The following C12orf42 variants were observed in gnomAD, a reference collection of about 807,000 sequenced individuals.
C12orf42 encodes chromosome 12 open reading frame 42.
A neutral mutation model predicts 21.6 loss-of-function variants in C12orf42; 25 were observed. The observed-to-expected ratio is 1.16, with a 90% CI of 0.84 to 1.62. The LOEUF is 1.62. Ranked by LOEUF, C12orf42 falls within the 40% of genes most tolerant of loss-of-function variation. C12orf42 has a pLI of 0.00. For missense variants in C12orf42, 483 were observed against 459.3 expected (o/e 1.05, Z -0.47); for synonymous variants, 174 against 175.0 (o/e 0.99, Z 0.05).
chr12:103,225,217 C>CT, the C12orf42 span, among the ~76,000 whole-genome samples: 1 of 152,090 alleles, frequency 6.6e-6, no homozygotes, highest in Non-Finnish European at 1.5e-5. Flanking sequence ...AAAGAGTGTA[C>CT]TGGGTTGGGC....
chr12:103,381,656 G>A (rs1399752993), intron 3 of C12orf42, among the ~76,000 whole-genome samples: 2 of 152,200 alleles, frequency 1.3e-5, no homozygotes, highest in African/African-American at 2.4e-5. Context: ...GGTGGCTCAC[G>A]CCTGTAACCC....
chr12:103,127,064 C>T, the C12orf42 span, among the ~76,000 whole-genome samples: 5 of 152,072 alleles, frequency 3.3e-5, no homozygotes, highest in African/African-American at 1.2e-4. Context: ...TTGCTAACAC[C>T]AACTGCTGAA....
chr12:103,530,917 C>T, the C12orf42 span, among the ~76,000 whole-genome samples: 278 of 152,304 alleles, frequency 1.8e-3, no homozygotes, highest in African/African-American at 5.6e-3. Context: ...TCTGAGCTGT[C>T]AGGGAACTGC....
chr12:103,520,053 G>T, the C12orf42 span, among the ~76,000 whole-genome samples: 3 of 152,174 alleles, frequency 2.0e-5, no homozygotes, highest in African/African-American at 7.2e-5. Flanking sequence ...TCCTCAAAGT[G>T]ACAAAGAAGT....
intron 3 of C12orf42, among the ~76,000 whole-genome samples, chr12:103,400,121 A>G (rs1437842016): frequency 6.6e-6 from 1 of 152,156 alleles, no homozygotes; most frequent in Non-Finnish European, 1.5e-5. Context: ...GAAGAGAGAG[A>G]GAAGAAAGAG....
chr12:103,181,090 C>T, the C12orf42 span, among the ~76,000 whole-genome samples: 1 of 151,444 alleles, frequency 6.6e-6, no homozygotes, highest in Non-Finnish European at 1.5e-5. Context: ...GGTGAAACCC[C>T]GTCTCTACTA....
At chr12:103,353,826 C>T (rs747580251) in intron 4 of C12orf42, among the ~76,000 whole-genome samples, 3 of 152,160 alleles carry the variant, frequency 2.0e-5, no homozygotes, top group Non-Finnish European at 2.9e-5. Flanking sequence ...ACCACCAGCC[C>T]TTCACGAGGG....
intron 4 of C12orf42, among the ~76,000 whole-genome samples, chr12:103,360,908 G>A (rs946642739): frequency 6.6e-6 from 1 of 152,104 alleles, no homozygotes; most frequent in African/African-American, 2.4e-5. Flanking sequence ...CTCTGAAGTT[G>A]TAAGAAAAAT....
At chr12:103,067,456 G>A in the C12orf42 span, among the ~76,000 whole-genome samples, 1,772 of 152,220 alleles carry the variant, frequency 0.012, 40 homozygotes, top group African/African-American at 0.04. Flanking sequence ...ATGCCAACTA[G>A]GTGACAATAC....
chr12:103,164,191 G>T, the C12orf42 span, among the ~76,000 whole-genome samples: 3 of 152,176 alleles, frequency 2.0e-5, no homozygotes, highest in Non-Finnish European at 4.4e-5. Context: ...TGGAATAAGA[G>T]TCTCCACAAG....
At chr12:103,134,024 T>C in the C12orf42 span, among the ~76,000 whole-genome samples, 2 of 152,342 alleles carry the variant, frequency 1.3e-5, no homozygotes, top group South Asian at 4.1e-4. Flanking sequence ...CAGTCTCAAG[T>C]ATGTCTTTAT....
chr12:103,247,409 T>G (rs1485750153), intron 10 of C12orf42, among the ~76,000 whole-genome samples: 1 of 151,314 alleles, frequency 6.6e-6, no homozygotes, highest in Non-Finnish European at 1.5e-5. Context: ...GTGCATTTTA[T>G]GTCAAAAAAT....
At chr12:103,484,106 G>A (rs771318953) in intron 1 of C12orf42, among the ~76,000 whole-genome samples, 2 of 152,138 alleles carry the variant, frequency 1.3e-5, no homozygotes, top group African/African-American at 4.8e-5. Context: ...ATTATGAATA[G>A]TGCCGCAATA....
intron 3 of C12orf42, among the ~76,000 whole-genome samples, chr12:103,380,752 G>A (rs749595348): frequency 1.3e-5 from 2 of 152,148 alleles, no homozygotes; most frequent in African/African-American, 2.4e-5. Context: ...CAACTAACAT[G>A]TTATTGAGTA....
At chr12:103,510,734 G>A in the C12orf42 span, among the ~76,000 whole-genome samples, 1 of 152,160 alleles carries the variant, frequency 6.6e-6, no homozygotes, top group Non-Finnish European at 1.5e-5. Context: ...GGGTTAGAGA[G>A]AGGCCAGATC....
chr12:103,452,403 C>G (rs1952006694), intron 2 of C12orf42, among the ~76,000 whole-genome samples: 2 of 151,868 alleles, frequency 1.3e-5, no homozygotes, highest in African/African-American at 2.4e-5. Context: ...GAGTCAGATG[C>G]AAGAATTAAG....
the C12orf42 span, among the ~76,000 whole-genome samples, chr12:103,124,783 A>G: frequency 1.3e-5 from 2 of 152,286 alleles, no homozygotes; most frequent in Non-Finnish European, 2.9e-5. Context: ...CTGCTATCAG[A>G]ACTCTCAAAG....
chr12:103,403,954 C>T (rs2048233985), intron 2 of C12orf42, among the ~76,000 whole-genome samples: 1 of 152,174 alleles, frequency 6.6e-6, no homozygotes, highest in Non-Finnish European at 1.5e-5. Context: ...AACAGGGTGG[C>T]ATCATTCACA....
chr12:103,092,070 A>C, the C12orf42 span, among the ~76,000 whole-genome samples: 1,881 of 152,286 alleles, frequency 0.012, 18 homozygotes, highest in Non-Finnish European at 0.021. Context: ...TTGGTTTGCT[A>C]TGTTCTTGTT....
Sources: gnomAD v4.1 joint callset for allele counts (sites outside exome capture counted in the v4.1 genomes callset) on GRCh38, gnomAD v4.1.1 for gene constraint, MANE v1.5 for transcripts, NCBI Gene and HGNC (gene_info 2026-07-23, HGNC 2026-07-21) for gene names.